Variants in GOSR1 observed in about 807,000 individuals in gnomAD.
GOSR1 encodes golgi SNAP receptor complex member 1.
GOSR1 carries 21 observed loss-of-function variants against 35.5 expected under a neutral mutation model. That is an observed-to-expected ratio of 0.59 (90% CI 0.42 to 0.85). The LOEUF (loss-of-function observed/expected upper bound fraction) is 0.85, where lower values mean the gene tolerates loss of function less well. Among genes scored for constraint, GOSR1 ranks in the 40% least tolerant of loss-of-function variants. The pLI is 0.00. For missense variants in GOSR1, 285 were observed against 309.6 expected, an observed-to-expected ratio of 0.92 and a Z score of 0.60; for synonymous variants, 94 against 106.6, an observed-to-expected ratio of 0.88 and a Z score of 0.73.
At chr17:30,519,660 G>A (rs974962684) in intron 7 of GOSR1, 7 of 263,050 alleles carry the variant, frequency 2.7e-5, no homozygotes, top group African/African-American at 1.5e-4. Context: ...TTTGTAATAT[G>A]TGATTTGTCT....
chr17:30,483,269 C>T (rs74826466), intron 2 of GOSR1, among the ~76,000 whole-genome samples: 367 of 152,126 alleles, frequency 2.4e-3, no homozygotes, highest in African/African-American at 8.6e-3. Flanking sequence ...TACTCTTACA[C>T]TGTCCTGATG....
intron 6 of GOSR1, among the ~76,000 whole-genome samples, chr17:30,506,166 A>C (rs1871298701): frequency 6.6e-6 from 1 of 152,208 alleles, no homozygotes; most frequent in South Asian, 2.1e-4. Flanking sequence ...TAAATATTCA[A>C]GTGAAAGGAA....
In GOSR1 at chr17:30,522,977, G is replaced by A. The variant is rs1032102561; in HGVS notation, c.*599G>A. 16 of 211,044 alleles carry A rather than the reference G, an allele frequency of 7.6e-5. No homozygotes were observed. In the South Asian group the frequency reaches 1.0e-3, roughly 13 times the overall value. 13.1% of individuals were successfully genotyped at this position (211,044 alleles called of 1,614,324 possible). Reference sequence around the variant, plus strand: ...ATTGCAGGCGAGCGCCGCCACGCCTGACTGCCTCGGCCTCCCGAGGTGCCG... The same window carrying A: ...ATTGCAGGCGAGCGCCGCCACGCCTAACTGCCTCGGCCTCCCGAGGTGCCG... On this transcript the variant is annotated 3_prime_UTR_variant, in exon 9 of 9. Coordinates refer to ENST00000451249, the MANE Select transcript of GOSR1 (RefSeq NM_001007025.2).
intron 1 of GOSR1, chr17:30,478,931 A>C (rs571081087): frequency 6.6e-6 from 1 of 152,294 alleles, no homozygotes; most frequent in South Asian, 2.1e-4. Flanking sequence ...TGGTTTTTTG[A>C]AGCAGCATGC....
At chr17:30,518,298 G>T (rs568315323) in intron 7 of GOSR1, among the ~76,000 whole-genome samples, 1 of 152,140 alleles carries the variant, frequency 6.6e-6, no homozygotes, top group South Asian at 2.1e-4. Flanking sequence ...AGATCTCAAG[G>T]GAACTTGGGG....
intron 5 of GOSR1, among the ~76,000 whole-genome samples, chr17:30,491,444 G>A (rs1329426454): frequency 1.3e-5 from 2 of 151,978 alleles, no homozygotes; most frequent in Non-Finnish European, 2.9e-5. Context: ...GGATCACTTG[G>A]GGCCAGGAGT....
intron 6 of GOSR1, among the ~76,000 whole-genome samples, chr17:30,504,690 A>C (rs1298453924): frequency 6.6e-6 from 1 of 152,230 alleles, no homozygotes; most frequent in Non-Finnish European, 1.5e-5. Context: ...ATTGGGTCTC[A>C]TTACACAGAA....
chr17:30,523,786 TG>T lies in GOSR1; in HGVS notation c.*1412del. The stretch of plus-strand genomic sequence containing the variant: ...TTGTGGAATAGAAAAGGCGGAAAGG[TG>T]GGGAAAAGATTGAGAAATTGGATGG... On this transcript the variant is annotated 3_prime_UTR_variant, in exon 9 of 9. Coordinates refer to ENST00000451249, the MANE Select transcript of GOSR1 (RefSeq NM_001007025.2). The T allele has an allele frequency of 4.9e-6, 1 of 205,642 alleles. No homozygotes were observed. The allele number at this position is 205,642 out of a possible 1,614,324, so 12.7% of individuals were successfully genotyped here.
chr17:30,484,881 T>C (rs759076815), intron 4 of GOSR1, 111 bp downstream of exon 4: 3 of 721,704 alleles, frequency 4.2e-6, no homozygotes, highest in Admixed American at 2.0e-5. Context: ...AAGAGAAAAA[T>C]CTGAGAAAAT....
Position 30,510,907 on chromosome 17 carries a change from A to G in GOSR1, c.537A>G (p.Ile179Met). 6.5e-7 allele frequency: 1 copy of G among 1,547,068 alleles called. No individual in the cohort carries two copies. The highest frequency in any genetic ancestry group is 1.1e-5 in the South Asian group (1 of 87,456). ...RNSDRLIEET[I>M]SIAMATKENM... ...CAGATCGTCTGATAGAAGAGACAATAAGGTAGGAATAAGTTTTTGTTTTGC... is the reference window on the plus strand; with the variant it reads ...CAGATCGTCTGATAGAAGAGACAATGAGGTAGGAATAAGTTTTTGTTTTGC... Residue 179 changes from isoleucine to methionine, a missense_variant and splice_region_variant, in exon 7 of 9, where the codon ATA becomes ATG. Transcript: ENST00000451249.
At position 30,526,192 on chromosome 17, in the gene GOSR1, C is replaced by T. The variant is rs1968179458; in HGVS notation, c.*3814C>T. The T allele has an allele frequency of 6.6e-6, 1 of 152,190 alleles. No individual in the cohort carries two copies. Among genetic ancestry groups the T allele is most frequent in the Non-Finnish European group, 1.5e-5 (1 of 68,022 alleles). The allele number at this position is 152,190 out of a possible 1,614,324, so 9.4% of individuals were successfully genotyped here. A position where few individuals can be genotyped will look rare whatever the true frequency, so the allele number is the denominator to read the frequency against. On this transcript the variant is annotated 3_prime_UTR_variant, in exon 9 of 9. Transcript: ENST00000451249. ...AGTTACTTGTTAATGCTAGTCACAGCCAGGAGGTCAGAAGGAATTTTCTAC... is the reference window on the plus strand; with the variant it reads ...AGTTACTTGTTAATGCTAGTCACAGTCAGGAGGTCAGAAGGAATTTTCTAC...
intron 1 of GOSR1, among the ~76,000 whole-genome samples, chr17:30,480,379 C>T (rs953274501): frequency 3.3e-5 from 5 of 151,854 alleles, no homozygotes; most frequent in African/African-American, 1.2e-4. Context: ...CCTAATAAAG[C>T]TTTGGAACAT....
rs1021858783 is a variant in GOSR1, at chr17:30,492,660, A to G, written c.435-19A>G. 1 of 1,461,410 alleles carries G rather than the reference A, an allele frequency of 6.8e-7. No individual in the cohort carries two copies. Among genetic ancestry groups the G allele is most frequent in the Non-Finnish European group, 9.6e-7 (1 of 1,046,726 alleles). 90.5% of individuals were successfully genotyped at this position (1,461,410 alleles called of 1,614,324 possible). A position where few individuals can be genotyped will look rare whatever the true frequency, so the allele number is the denominator to read the frequency against. On this transcript the variant is annotated intron_variant, in intron 5 of 8. Coordinates refer to ENST00000451249, the MANE Select transcript of GOSR1 (RefSeq NM_001007025.2). The stretch of plus-strand genomic sequence containing the variant: ...TATTCTCTGCCAAAAATGTTTTTAA[A>G]TTTTCTCTTTTGTCCCAGGTCATAT...
chr17:30,478,337 A>G (rs1210511941), intron 1 of GOSR1, among the ~76,000 whole-genome samples: 1 of 152,178 alleles, frequency 6.6e-6, no homozygotes, highest in African/African-American at 2.4e-5. Context: ...TTTTATTGCT[A>G]TACACTGAAG....
chr17:30,481,686 C>T (rs1261096114), intron 2 of GOSR1, among the ~76,000 whole-genome samples: 1 of 152,164 alleles, frequency 6.6e-6, no homozygotes, highest in African/African-American at 2.4e-5. Context: ...GTATCTAATG[C>T]ACTGTGTATC....
In GOSR1 at chr17:30,477,447, C is replaced by A. The variant is rs747854344; in HGVS notation, c.14C>A (p.Thr5Asn). 6.2e-7 allele frequency: 1 copy of A among 1,608,686 alleles called. No homozygotes were observed. Among genetic ancestry groups the A allele is most frequent in the South Asian group, 1.1e-5 (1 of 90,362 alleles). Residue 5 changes from threonine to asparagine, a missense_variant, in exon 1 of 9, where the codon ACC becomes AAC. By Grantham distance (65) the Thr-to-Asn change is moderately conservative. Coordinates refer to ENST00000451249, the MANE Select transcript of GOSR1 (RefSeq NM_001007025.2). ...TGGACGACAAAGATGGCGGCAGGGA[C>A]CAGCAGTTACTGGGAAGGTGAGGGC... MAAGTSSYWEDLRKQ... is the reference protein window; with the variant it reads MAAGNSSYWEDLRKQ...
At position 30,492,694 on chromosome 17, in the gene GOSR1, G is replaced by GTTCT; in HGVS notation, c.451_452insTCTT (p.Ser151PhefsTer10). 1 of 1,595,162 alleles carries GTTCT rather than the reference G, an allele frequency of 6.3e-7. No homozygotes were observed. Among genetic ancestry groups the GTTCT allele is most frequent in the Non-Finnish European group, 8.6e-7 (1 of 1,163,764 alleles). The stretch of plus-strand genomic sequence containing the variant: ...TTTGTCCCAGGTCATATAAAAGTGG[G>GTTCT]TCTGGAGTAAACAACAGAAGAACTG... On this transcript the variant is annotated frameshift_variant, in exon 6 of 9. Transcript: ENST00000451249. LOFTEE classifies it high-confidence loss of function.
intron 5 of GOSR1, 87 bp from the exon 6 acceptor site, chr17:30,492,592 T>A: frequency 2.7e-6 from 2 of 745,994 alleles, no homozygotes; most frequent in Non-Finnish European, 4.7e-6. Context: ...GAGGCTCAAT[T>A]TTTCTACTTT....
intron 6 of GOSR1, among the ~76,000 whole-genome samples, chr17:30,493,731 A>T (rs1966890007): frequency 6.6e-6 from 1 of 152,210 alleles, no homozygotes; most frequent in South Asian, 2.1e-4. Flanking sequence ...AAATTCTGTA[A>T]TATTTTTTAC....
Sources: allele counts gnomAD v4.1 joint callset (sites outside exome capture counted in the v4.1 genomes callset), GRCh38; gene constraint gnomAD v4.1.1; transcripts MANE v1.5; gene names NCBI Gene and HGNC (gene_info 2026-07-23, HGNC 2026-07-21).